RBFOX1: variants seen among roughly 807,000 people sequenced by gnomAD.
RBFOX1 encodes the protein RNA binding protein fox-1 homolog 1.
RBFOX1 carries 8 observed loss-of-function variants against 57.7 expected under a neutral mutation model. The ratio of observed to expected loss-of-function variants is 0.14; its 90% CI spans 0.08 to 0.25. The LOEUF is 0.25. Ranked by LOEUF, RBFOX1 falls within the 10% of genes least tolerant of loss-of-function variation. The probability of loss-of-function intolerance (pLI) is 1.00; values close to 1 mark genes in which losing one functional copy is unlikely to be tolerated. For missense variants in RBFOX1, 611 were observed against 548.5 expected (o/e 1.11, Z -1.14); for synonymous variants, 326 against 222.4 (o/e 1.47, Z -4.15).
intron 2 of RBFOX1, among the ~76,000 whole-genome samples, chr16:6,480,839 T>C (rs752338936): frequency 2.8e-4 from 42 of 152,214 alleles, no homozygotes; most frequent in Non-Finnish European, 5.7e-4. Flanking sequence ...CATGTCTATA[T>C]AGCAATGGAG....
intron 1 of RBFOX1, among the ~76,000 whole-genome samples, chr16:6,264,007 G>C (rs1371115977): frequency 2.6e-5 from 4 of 152,230 alleles, no homozygotes; most frequent in East Asian, 1.9e-4. Context: ...ATTTACCTTA[G>C]GTAAATTGTT....
At chr16:6,715,348 G>C (rs77338986) in intron 3 of RBFOX1, among the ~76,000 whole-genome samples, 2 of 152,082 alleles carry the variant, frequency 1.3e-5, no homozygotes, top group South Asian at 2.1e-4. Flanking sequence ...GGTGCGGAGG[G>C]ACAGATGGGG....
chr16:6,659,285 C>A (rs751834012), intron 3 of RBFOX1, among the ~76,000 whole-genome samples: 1 of 151,852 alleles, frequency 6.6e-6, no homozygotes, highest in Non-Finnish European at 1.5e-5. Flanking sequence ...TATCGCCTGG[C>A]CTGGTGCAGC....
intron 3 of RBFOX1, among the ~76,000 whole-genome samples, chr16:5,752,046 G>C (rs1478521057): frequency 1.3e-5 from 2 of 152,186 alleles, no homozygotes; most frequent in African/African-American, 2.4e-5. Flanking sequence ...TGGCAGATTG[G>C]ATAGAGAAAA....
At chr16:6,071,114 G>T (rs34241869) in intron 1 of RBFOX1, among the ~76,000 whole-genome samples, 21 of 151,888 alleles carry the variant, frequency 1.4e-4, no homozygotes, top group African/African-American at 4.6e-4. Flanking sequence ...CCTGAGCACA[G>T]GAGTTTTCTA....
At chr16:6,314,340 A>G (rs1394097201) in intron 1 of RBFOX1, among the ~76,000 whole-genome samples, 1 of 152,212 alleles carries the variant, frequency 6.6e-6, no homozygotes, top group Non-Finnish European at 1.5e-5. Flanking sequence ...TGGGTAGGCC[A>G]AGTCCACAAA....
intron 3 of RBFOX1, among the ~76,000 whole-genome samples, chr16:5,682,560 A>G (rs2050373681): frequency 1.3e-5 from 2 of 152,168 alleles, no homozygotes; most frequent in South Asian, 4.1e-4. Context: ...CATTAGTGTG[A>G]TTACTTTAAA....
intron 2 of RBFOX1, among the ~76,000 whole-genome samples, chr16:6,424,377 G>A (rs1407965828): frequency 6.6e-6 from 1 of 152,164 alleles, no homozygotes; most frequent in Non-Finnish European, 1.5e-5. Flanking sequence ...ATTCCACTGG[G>A]TGCTTCCATT....
At chr16:6,550,212 C>T (rs970218751) in intron 2 of RBFOX1, among the ~76,000 whole-genome samples, 4 of 152,070 alleles carry the variant, frequency 2.6e-5, no homozygotes, top group African/African-American at 9.7e-5. Flanking sequence ...GAGTCTTACT[C>T]TGTCGCCCAG....
At chr16:5,534,316 G>A (rs1444283619) in intron 2 of RBFOX1, among the ~76,000 whole-genome samples, 1 of 152,156 alleles carries the variant, frequency 6.6e-6, no homozygotes, top group Non-Finnish European at 1.5e-5. Context: ...AGTTTATTAA[G>A]GAGAATTGAC....
intron 3 of RBFOX1, among the ~76,000 whole-genome samples, chr16:6,707,397 A>G (rs1158958200): frequency 1.3e-5 from 2 of 151,880 alleles, no homozygotes; most frequent in African/African-American, 4.8e-5. Context: ...GGGAAATCAT[A>G]CGTTAACAGC....
downstream of RBFOX1, among the ~76,000 whole-genome samples, chr16:5,605,139 T>A (rs137893354): frequency 5.3e-3 from 805 of 152,292 alleles, 14 homozygotes; most frequent in Non-Finnish European, 3.6e-3. Context: ...CTGTGAGTGG[T>A]GACAGGCTTG....
chr16:7,040,246 C>G (rs2045743018), intron 3 of RBFOX1, among the ~76,000 whole-genome samples: 1 of 151,974 alleles, frequency 6.6e-6, no homozygotes, highest in Non-Finnish European at 1.5e-5. Flanking sequence ...GTCTCGATCT[C>G]TTGACCTCAT....
chr16:5,810,501 T>C (rs941064596), intron 3 of RBFOX1, among the ~76,000 whole-genome samples: 3 of 152,130 alleles, frequency 2.0e-5, no homozygotes, highest in East Asian at 1.9e-4. Context: ...CCTAGCAAAC[T>C]AATACACAGG....
intron 1 of RBFOX1, among the ~76,000 whole-genome samples, chr16:5,407,970 A>G (rs914675673): frequency 1.3e-5 from 2 of 152,240 alleles, no homozygotes; most frequent in African/African-American, 4.8e-5. Flanking sequence ...AGCCTTAGGA[A>G]GATTCTGGCC....
chr16:5,393,235 C>G (rs1385792648), intron 1 of RBFOX1, among the ~76,000 whole-genome samples: 1 of 152,118 alleles, frequency 6.6e-6, no homozygotes, highest in Admixed American at 6.5e-5. Flanking sequence ...TACCCCAGCA[C>G]TGGACACGGT....
In RBFOX1 at chr16:6,747,016, T is replaced by C. The variant is rs147415311; in HGVS notation, c.-16+92366T>C. 3.7e-4 allele frequency among the ~76,000 whole-genome samples: 57 copies of C among 152,304 alleles called. 1 individual carries two copies. In the East Asian group the frequency reaches 5.0e-3, roughly 13 times the overall value. On this transcript the variant is annotated intron_variant, in intron 3 of 15. Coordinates refer to ENST00000550418, the MANE Select transcript of RBFOX1 (RefSeq NM_018723.4). Reference sequence around the variant, plus strand: ...GCAGATATCCCCTCACCACAGATTATTGAGGTGTTAGCCTACAGAAGTCCT... The same window carrying C: ...GCAGATATCCCCTCACCACAGATTACTGAGGTGTTAGCCTACAGAAGTCCT...
chr16:5,424,974 CTTTCTTTTCTTTTCT>C lies in RBFOX1; in HGVS notation c.220-42214_220-42200del, dbSNP rs372212119. Reference sequence around the variant, plus strand: ...TTCCTTTGTTTCTTTCTCTTTCTTTCTTTCTTTTCTTTTCTTTTCTTTTCTTTTCTTTTCTTTTCT... The same window carrying C: ...TTCCTTTGTTTCTTTCTCTTTCTTTCTTTCTTTTCTTTTCTTTTCTTTTCT... On this transcript the variant is annotated intron_variant, in intron 1 of 2. Transcript: ENST00000585867. Among the ~76,000 whole-genome samples the C allele has an allele frequency of 6.1e-3, 430 of 70,666 alleles. 35 individuals are homozygous for C. The highest frequency in any genetic ancestry group is 0.048 in the East Asian group (93 of 1,940). The allele number at this position is 70,666 out of a possible 152,430, so 46.4% of individuals were successfully genotyped here.
intron 1 of RBFOX1, among the ~76,000 whole-genome samples, chr16:6,233,239 C>T (rs1019697715): frequency 2.0e-5 from 3 of 152,132 alleles, no homozygotes; most frequent in Non-Finnish European, 4.4e-5. Context: ...CCTTTAGCTG[C>T]ACTTGAAAGG....
Sources: allele counts gnomAD v4.1 joint callset (sites outside exome capture counted in the v4.1 genomes callset), GRCh38; gene constraint gnomAD v4.1.1; transcripts MANE v1.5; gene names NCBI Gene and HGNC (gene_info 2026-07-23, HGNC 2026-07-21).